Variants in ATP2B1 observed in about 807,000 individuals in gnomAD.
The protein encoded by ATP2B1 is ATPase plasma membrane Ca2+ transporting 1.
In ATP2B1, 14 loss-of-function variants were observed where a neutral mutation model predicts 124.2. The observed-to-expected ratio is 0.11, with a 90% CI of 0.07 to 0.18. ATP2B1 has a LOEUF of 0.18. Among genes scored for constraint, ATP2B1 ranks in the 10% least tolerant of loss-of-function variants. The pLI is 1.00. For synonymous variants in ATP2B1, 449 were observed against 492.4 expected, an observed-to-expected ratio of 0.91 and a Z score of 1.17; for missense variants, 763 against 1,466.1, an observed-to-expected ratio of 0.52 and a Z score of 7.83.
intron 9 of ATP2B1, among the ~76,000 whole-genome samples, chr12:89,623,728 T>G (rs538052069): frequency 1.3e-5 from 2 of 152,244 alleles, no homozygotes; most frequent in African/African-American, 4.8e-5. Flanking sequence ...GGCAGGGCCC[T>G]GCAGGCCATG....
intron 2 of ATP2B1, among the ~76,000 whole-genome samples, chr12:89,653,193 T>C (rs1178650362): frequency 1.3e-5 from 2 of 151,760 alleles, no homozygotes; most frequent in Admixed American, 1.3e-4. Context: ...AGGAAGAACA[T>C]GAGCAAAAAC....
intron 1 of ATP2B1, among the ~76,000 whole-genome samples, chr12:89,698,509 A>AG (rs1891439345): frequency 6.6e-6 from 1 of 152,172 alleles, no homozygotes; most frequent in African/African-American, 2.4e-5. Context: ...AAGGAAGATA[A>AG]GGAGGCACAA....
rs1225069212 is a variant in ATP2B1 at position 89,656,984 on chromosome 12, C to T, written c.-221-877G>A. ...TAAAAGTTTGAGGAATGAATACATG[C>T]ATTACATTTATTTCTTCATCATACT... On this transcript the variant is annotated intron_variant, in intron 1 of 20. Transcript: ENST00000428670. Among the ~76,000 whole-genome samples the T allele has an allele frequency of 3.3e-5, 5 of 152,172 alleles. No homozygotes were observed. In the East Asian group the frequency reaches 9.6e-4, roughly 29 times the overall value.
At chr12:89,657,126 G>A (rs962332106) in intron 1 of ATP2B1, among the ~76,000 whole-genome samples, 2 of 152,048 alleles carry the variant, frequency 1.3e-5, no homozygotes, top group Middle Eastern at 3.2e-3. Context: ...AAATAGCTCT[G>A]CCACCACCAT....
At chr12:89,619,870 T>A in intron 11 of ATP2B1, 129 bp downstream of exon 11, 1 of 1,192,538 alleles carries the variant, frequency 8.4e-7, no homozygotes, top group East Asian at 2.4e-5. Context: ...CCATAAAATA[T>A]GCTAAAAAAC....
intron 1 of ATP2B1, among the ~76,000 whole-genome samples, chr12:89,680,757 G>A (rs1889240183): frequency 6.6e-6 from 1 of 151,802 alleles, no homozygotes; most frequent in South Asian, 2.1e-4. Context: ...CCGGAAAACT[G>A]GACCTAGAAC....
intron 12 of ATP2B1, among the ~76,000 whole-genome samples, chr12:89,613,346 A>G (rs1025765138): frequency 1.2e-4 from 19 of 152,166 alleles, no homozygotes; most frequent in African/African-American, 4.3e-4. Flanking sequence ...ATATTTATCT[A>G]TAAGTTTTAA....
At chr12:89,706,642 C>A (rs1892485552) in intron 1 of ATP2B1, among the ~76,000 whole-genome samples, 1 of 151,982 alleles carries the variant, frequency 6.6e-6, no homozygotes, top group East Asian at 1.9e-4. Flanking sequence ...TGAGAGAATA[C>A]AGAAAAATGA....
chr12:89,609,203 T>C (rs980282782), intron 15 of ATP2B1, among the ~76,000 whole-genome samples: 1 of 152,156 alleles, frequency 6.6e-6, no homozygotes, highest in Non-Finnish European at 1.5e-5. Context: ...ATATCTCAAT[T>C]TTCCCAAAAG....
intron 3 of ATP2B1, among the ~76,000 whole-genome samples, chr12:89,639,167 G>A (rs1883130838): frequency 6.6e-6 from 1 of 152,166 alleles, no homozygotes. Context: ...GTGTTGAGAT[G>A]TAACGAGACA....
At chr12:89,635,308 C>T in intron 3 of ATP2B1, 57 bp from the exon 4 acceptor site, 4 of 1,537,388 alleles carry the variant, frequency 2.6e-6, no homozygotes, top group South Asian at 1.2e-5. Flanking sequence ...TGACAACATA[C>T]ATATAGTACG....
At chr12:89,591,684 AAT>A (rs773676586) in intron 20 of ATP2B1, among the ~76,000 whole-genome samples, 7 of 151,992 alleles carry the variant, frequency 4.6e-5, no homozygotes, top group Non-Finnish European at 1.0e-4. Flanking sequence ...AAACAACTCA[AAT>A]AAGTTAAACA....
At chr12:89,676,015 G>C (rs1365987991) in intron 1 of ATP2B1, among the ~76,000 whole-genome samples, 1 of 151,956 alleles carries the variant, frequency 6.6e-6, no homozygotes, top group African/African-American at 2.4e-5. Context: ...TTCCTCATTG[G>C]GGGAGGGGGT....
chr12:89,624,477 G>T, intron 8 of ATP2B1, 80 bp from the exon 9 acceptor site: 1 of 1,151,666 alleles, frequency 8.7e-7, no homozygotes, highest in Non-Finnish European at 1.2e-6. Flanking sequence ...ATTAAACACT[G>T]TAAAGAGTTA....
chr12:89,675,703 A>T (rs1285010064), intron 1 of ATP2B1, among the ~76,000 whole-genome samples: 1 of 152,168 alleles, frequency 6.6e-6, no homozygotes, highest in African/African-American at 2.4e-5. Flanking sequence ...CCACAACTCA[A>T]GTTCAGGACC....
chr12:89,611,382 AT>A lies in ATP2B1; in HGVS notation c.2068-11del. ...TAATTGCATCTGGCACCTGGTTTAC[AT>A]TAAAAAAAAAAATTACAAAGTTAAT... On this transcript the variant is annotated splice_polypyrimidine_tract_variant and intron_variant, in intron 12 of 20. Coordinates refer to ENST00000428670, the MANE Select transcript of ATP2B1 (RefSeq NM_001366521.1). 6.7e-7 allele frequency: 1 copy of A among 1,496,604 alleles called. No individual in the cohort carries two copies. Among genetic ancestry groups the A allele is most frequent in the Non-Finnish European group, 8.9e-7 (1 of 1,123,582 alleles). 92.7% of individuals were successfully genotyped at this position (1,496,604 alleles called of 1,614,324 possible).
chr12:89,598,755 C>CA (rs1875184528), intron 20 of ATP2B1: 3 of 1,613,430 alleles, frequency 1.9e-6, no homozygotes, highest in Non-Finnish European at 2.5e-6. Flanking sequence ...TGCAAGGAAT[C>CA]AGAGATTGTG....
chr12:89,646,273 T>C (rs143458554), intron 2 of ATP2B1, among the ~76,000 whole-genome samples: 3 of 152,220 alleles, frequency 2.0e-5, no homozygotes, highest in East Asian at 1.9e-4. Flanking sequence ...TGGCTATCCA[T>C]ATTGAGAACT....
intron 1 of ATP2B1, among the ~76,000 whole-genome samples, chr12:89,688,595 GGTGGCACTACATACA>G (rs1448088994): frequency 3.3e-5 from 5 of 152,174 alleles, no homozygotes; most frequent in Admixed American, 3.3e-4. Context: ...TGAAACTATA[GGTGGCACTACATACA>G]GCTGGCACTC....
Sources: allele counts gnomAD v4.1 joint callset (sites outside exome capture counted in the v4.1 genomes callset), GRCh38; gene constraint gnomAD v4.1.1; transcripts MANE v1.5; gene names NCBI Gene and HGNC (gene_info 2026-07-23, HGNC 2026-07-21).